ARHGAP23: variants seen among roughly 807,000 people sequenced by gnomAD.
ARHGAP23 encodes rho GTPase-activating protein 23.
ARHGAP23 carries 34 observed loss-of-function variants against 136.3 expected under a neutral mutation model. That is an observed-to-expected ratio of 0.25 (90% CI 0.19 to 0.33). The LOEUF is 0.33. ARHGAP23 is among the 10% of genes least tolerant of loss of function. The pLI, the probability that ARHGAP23 is intolerant of heterozygous loss-of-function variation, is 1.00. For synonymous variants in ARHGAP23, 832 were observed against 920.5 expected, an observed-to-expected ratio of 0.90 and a Z score of 1.74; for missense variants, 1,808 against 2,139.0, an observed-to-expected ratio of 0.85 and a Z score of 3.05.
chr17:38,498,349 C>G (rs1453584725), intron 21 of ARHGAP23, 65 bp from the exon 22 acceptor site: 2 of 1,337,274 alleles, frequency 1.5e-6, no homozygotes, highest in African/African-American at 2.9e-5. Context: ...CAGGGCACCC[C>G]CCTCTGGGGG....
chr17:38,421,331 A>C (rs535733569), intron 1 of ARHGAP23, among the ~76,000 whole-genome samples: 1 of 152,340 alleles, frequency 6.6e-6, no homozygotes, highest in African/African-American at 2.4e-5. Flanking sequence ...ACAGCAGCTC[A>C]GCCTGTCCCC....
intron 23 of ARHGAP23, 31 bp downstream of exon 23, chr17:38,500,659 T>A (rs1269200399): frequency 6.5e-7 from 1 of 1,544,126 alleles, no homozygotes; most frequent in African/African-American, 1.4e-5. Context: ...GAAGGCTTGA[T>A]CCCTGTACAA....
At chr17:38,444,733 A>C (rs2038993550) in intron 1 of ARHGAP23, among the ~76,000 whole-genome samples, 1 of 151,830 alleles carries the variant, frequency 6.6e-6, no homozygotes, top group Admixed American at 6.6e-5. Context: ...TCCAGGCAGG[A>C]GGTGCCCAGC....
upstream of ARHGAP23, chr17:38,428,357 G>A (rs1567768377): frequency 1.3e-5 from 4 of 305,394 alleles, no homozygotes; most frequent in Non-Finnish European, 2.3e-5. Flanking sequence ...GAAGGGGGAG[G>A]GGCGAGGGGG....
exon 1 of ARHGAP23, chr17:38,419,286 T>G (rs2144450766): frequency 6.6e-6 from 1 of 151,568 alleles, no homozygotes; most frequent in South Asian, 1.9e-4. Flanking sequence ...CTACTTGCGC[T>G]TGGCGGTCGC....
At chr17:38,447,371 G>A (rs2039056557) in intron 1 of ARHGAP23, among the ~76,000 whole-genome samples, 1 of 146,254 alleles carries the variant, frequency 6.8e-6, no homozygotes, top group Admixed American at 7.0e-5. Context: ...GAACACAGGA[G>A]GTGGAGGTTG....
upstream of ARHGAP23, among the ~76,000 whole-genome samples, chr17:38,427,614 G>A (rs1437896363): frequency 6.6e-6 from 1 of 152,238 alleles, no homozygotes; most frequent in Non-Finnish European, 1.5e-5. Flanking sequence ...AGCCAGGAAG[G>A]GTGGCTGTGG....
At chr17:38,494,704 G>T (rs1225945332) in intron 20 of ARHGAP23, among the ~76,000 whole-genome samples, 1 of 152,166 alleles carries the variant, frequency 6.6e-6, no homozygotes, top group South Asian at 2.1e-4. Flanking sequence ...GACCCACCCC[G>T]GCCCTGGGTG....
At chr17:38,462,489 C>T (rs913489411) in intron 3 of ARHGAP23, among the ~76,000 whole-genome samples, 3 of 151,970 alleles carry the variant, frequency 2.0e-5, no homozygotes, top group African/African-American at 7.3e-5. Context: ...CTCCTGACCT[C>T]AAGTGATCCA....
chr17:38,453,496 C>T (rs1483967322), intron 1 of ARHGAP23, among the ~76,000 whole-genome samples: 3 of 144,886 alleles, frequency 2.1e-5, no homozygotes, highest in Non-Finnish European at 4.5e-5. Flanking sequence ...GGTGTGCGGG[C>T]CGGGGGAGAG....
chr17:38,496,590 A>C (rs889225538), intron 20 of ARHGAP23, among the ~76,000 whole-genome samples: 3 of 152,202 alleles, frequency 2.0e-5, no homozygotes, highest in Admixed American at 2.0e-4. Context: ...TTTGTGTAGT[A>C]AATTTTCTGA....
chr17:38,429,404 G>C (rs1029044637), intron 1 of ARHGAP23, among the ~76,000 whole-genome samples: 2 of 152,258 alleles, frequency 1.3e-5, no homozygotes, highest in African/African-American at 4.8e-5. Context: ...AAGTTGAAGG[G>C]TTGAACACTG....
intron 20 of ARHGAP23, among the ~76,000 whole-genome samples, chr17:38,497,365 G>C (rs142098412): frequency 6.6e-6 from 1 of 152,210 alleles, no homozygotes; most frequent in Non-Finnish European, 1.5e-5. Context: ...GGGCACACTC[G>C]GCTGTCACAG....
At chr17:38,504,695 G>T (rs971505679) in intron 23 of ARHGAP23, among the ~76,000 whole-genome samples, 1 of 152,196 alleles carries the variant, frequency 6.6e-6, no homozygotes, top group Non-Finnish European at 1.5e-5. Flanking sequence ...GTCTCACATT[G>T]CTGGGTCTCT....
chr17:38,457,674 ATCTG>A (rs2039360533), intron 1 of ARHGAP23: 1 of 209,016 alleles, frequency 4.8e-6, no homozygotes, highest in Non-Finnish European at 9.6e-6. Context: ...GTATGTGTCT[ATCTG>A]GGAGTGCATA....
At chr17:38,449,037 T>C (rs916136953) in intron 1 of ARHGAP23, among the ~76,000 whole-genome samples, 26 of 152,282 alleles carry the variant, frequency 1.7e-4, no homozygotes, top group African/African-American at 6.0e-4. Context: ...CAGGCTGGTC[T>C]TGAACTTCTG....
Position 38,498,528 on chromosome 17 carries a change from G to T in ARHGAP23, c.3415+18G>T. ...GGGGTCAGGTGAGCGCAGGGGCCTG[G>T]GAGTGGGGAGGCGGGAGGTTGGACA... On this transcript the variant is annotated intron_variant, in intron 22 of 23. Transcript: ENST00000622683. 1 of 1,520,648 alleles carries T rather than the reference G, an allele frequency of 6.6e-7. No individual in the cohort carries two copies. The highest frequency in any genetic ancestry group is 8.9e-7 in the Non-Finnish European group (1 of 1,129,792). The allele number at this position is 1,520,648 out of a possible 1,614,324, so 94.2% of individuals were successfully genotyped here.
chr17:38,426,572 A>AAAAAAAAAAAAAAAAAG (rs1567767218), upstream of ARHGAP23, among the ~76,000 whole-genome samples: 14 of 149,388 alleles, frequency 9.4e-5, no homozygotes, highest in Middle Eastern at 3.5e-3. Flanking sequence ...AAAAAAAAAA[A>AAAAAAAAAAAAAAAAAG]TCCAGGCAGT....
upstream of ARHGAP23, among the ~76,000 whole-genome samples, chr17:38,423,739 G>T (rs561447191): frequency 5.3e-5 from 8 of 152,072 alleles, no homozygotes; most frequent in East Asian, 1.6e-3. Flanking sequence ...TGTGGTGGGG[G>T]TGTTGCCTGT....
Sources: allele counts gnomAD v4.1 joint callset (sites outside exome capture counted in the v4.1 genomes callset), GRCh38; gene constraint gnomAD v4.1.1; transcripts MANE v1.5; gene names NCBI Gene and HGNC (gene_info 2026-07-23, HGNC 2026-07-21).